Variants in GRB2 observed in about 807,000 individuals in gnomAD.
The protein encoded by GRB2 is growth factor receptor-bound protein 2.
In GRB2, 2 loss-of-function variants were observed where a neutral mutation model predicts 27.4. The observed-to-expected ratio is 0.07, with a 90% CI of 0.03 to 0.23. The LOEUF is 0.23. GRB2 is among the 10% of genes least tolerant of loss of function. The probability of loss-of-function intolerance (pLI) is 1.00; values close to 1 mark genes in which losing one functional copy is unlikely to be tolerated. For missense variants in GRB2, 102 were observed against 282.4 expected (o/e 0.36, Z 4.58); for synonymous variants, 94 against 99.6 (o/e 0.94, Z 0.33).
intron 1 of GRB2, among the ~76,000 whole-genome samples, chr17:75,404,099 C>T (rs2079081925): frequency 6.6e-6 from 1 of 151,110 alleles, no homozygotes. Context: ...GCAAAAAGAG[C>T]AAAACTCTGC....
At chr17:75,342,097 C>G (rs2078625268) in intron 2 of GRB2, among the ~76,000 whole-genome samples, 1 of 152,174 alleles carries the variant, frequency 6.6e-6, no homozygotes, top group Non-Finnish European at 1.5e-5. Flanking sequence ...AAATTCAGTT[C>G]AGAGCTTACA....
chr17:75,329,083 T>C (rs1431237031), intron 3 of GRB2, among the ~76,000 whole-genome samples: 1 of 152,100 alleles, frequency 6.6e-6, no homozygotes, highest in Non-Finnish European at 1.5e-5. Context: ...GTATGCAGCA[T>C]GCATCTGACT....
intron 2 of GRB2, among the ~76,000 whole-genome samples, chr17:75,340,145 T>C (rs2078611246): frequency 6.6e-6 from 1 of 152,136 alleles, no homozygotes. Context: ...CAACACGCGC[T>C]CCAATTCCAA....
chr17:75,393,496 G>A, intron 2 of GRB2, 55 bp downstream of exon 2: 1 of 1,334,602 alleles, frequency 7.5e-7, no homozygotes, highest in Non-Finnish European at 1.1e-6. Context: ...GGCGAAAGAA[G>A]GTGGGTGAGC....
chr17:75,325,121 T>C (rs368093933), intron 4 of GRB2, among the ~76,000 whole-genome samples: 1 of 151,962 alleles, frequency 6.6e-6, no homozygotes, highest in Non-Finnish European at 1.5e-5. Flanking sequence ...CTATCCCCCA[T>C]TCAAAAACAA....
intron 2 of GRB2, among the ~76,000 whole-genome samples, chr17:75,385,328 G>C (rs570406138): frequency 1.2e-3 from 177 of 152,200 alleles, no homozygotes; most frequent in Middle Eastern, 3.4e-3. Context: ...CCTGCGTTCA[G>C]GATTTTGAGA....
intron 1 of GRB2, among the ~76,000 whole-genome samples, chr17:75,400,854 T>C (rs2079058837): frequency 6.6e-6 from 1 of 152,082 alleles, no homozygotes; most frequent in African/African-American, 2.4e-5. Flanking sequence ...TTTATCTCAC[T>C]GAAACAATGA....
At chr17:75,341,869 T>C (rs910276938) in intron 2 of GRB2, among the ~76,000 whole-genome samples, 8 of 152,144 alleles carry the variant, frequency 5.3e-5, no homozygotes, top group Non-Finnish European at 1.2e-4. Flanking sequence ...CCATAATTTT[T>C]CTGTTAAAAA....
intron 4 of GRB2, among the ~76,000 whole-genome samples, chr17:75,324,507 G>GT (rs767194304): frequency 0.035 from 1,270 of 36,640 alleles, 175 homozygotes; most frequent in African/African-American, 0.095. Context: ...ACCGCACCCA[G>GT]TTTTTTTTTT....
intron 2 of GRB2, chr17:75,338,763 G>A (rs1321034721): frequency 1.0e-5 from 6 of 594,962 alleles, no homozygotes; most frequent in Non-Finnish European, 1.5e-5. Context: ...GAGGAATGAG[G>A]TGAGCTTTAC....
In GRB2 at chr17:75,320,660, C is replaced by T. The variant is rs1021251414; in HGVS notation, c.469-107G>A. The T allele has an allele frequency of 2.6e-6, 2 of 775,088 alleles. No homozygotes were observed. Among genetic ancestry groups the T allele is most frequent in the Non-Finnish European group, 4.3e-6 (2 of 462,860 alleles). 48.0% of individuals were successfully genotyped at this position (775,088 alleles called of 1,614,324 possible). A position where few individuals can be genotyped will look rare whatever the true frequency, so the allele number is the denominator to read the frequency against. Reference sequence around the variant, plus strand: ...GGAAACGAATGCGTGCCAAATTCTCCATGTTTCTTAAACTCACCTCCCATC... The same window carrying T: ...GGAAACGAATGCGTGCCAAATTCTCTATGTTTCTTAAACTCACCTCCCATC... On this transcript the variant is annotated intron_variant, in intron 5 of 5. Transcript: ENST00000316804. The surrounding 1 kb of genome is among the most constrained non-coding windows in gnomAD (Gnocchi z 4.3).
At chr17:75,331,828 T>C (rs557893091) in intron 3 of GRB2, among the ~76,000 whole-genome samples, 5 of 152,262 alleles carry the variant, frequency 3.3e-5, no homozygotes, top group African/African-American at 1.2e-4. Context: ...TGAGGACGAC[T>C]GAAGGAAACA....
At chr17:75,377,377 T>C (rs999078321) in intron 2 of GRB2, among the ~76,000 whole-genome samples, 4 of 150,952 alleles carry the variant, frequency 2.6e-5, no homozygotes, top group African/African-American at 9.8e-5. Context: ...TCCCAACACT[T>C]TGGGAGGTCA....
At chr17:75,344,159 C>T (rs998803626) in intron 2 of GRB2, among the ~76,000 whole-genome samples, 1 of 152,094 alleles carries the variant, frequency 6.6e-6, no homozygotes, top group Non-Finnish European at 1.5e-5. Context: ...ATCAGGAAAA[C>T]ATCCTAGATG....
chr17:75,399,214 A>C (rs999795255), intron 1 of GRB2, among the ~76,000 whole-genome samples: 8 of 150,548 alleles, frequency 5.3e-5, no homozygotes, highest in Non-Finnish European at 1.0e-4. Flanking sequence ...TGCCTGGCTA[A>C]TTTTTGTGTG....
At chr17:75,361,772 T>C (rs2078783423) in intron 2 of GRB2, among the ~76,000 whole-genome samples, 1 of 151,954 alleles carries the variant, frequency 6.6e-6, no homozygotes, top group South Asian at 2.1e-4. Context: ...GAGCAAAATA[T>C]ATTACGCTCA....
intron 2 of GRB2, chr17:75,373,239 T>A (rs2078867639): frequency 6.6e-6 from 1 of 152,112 alleles, no homozygotes; most frequent in South Asian, 2.1e-4. Context: ...AGAGAGACTG[T>A]CTCAAAAAAG....
At chr17:75,382,068 T>G (rs1019813536) in intron 2 of GRB2, among the ~76,000 whole-genome samples, 1 of 151,684 alleles carries the variant, frequency 6.6e-6, no homozygotes. Flanking sequence ...ACTAAAAATA[T>G]AAAAATAAGC....
At chr17:75,328,439 G>A (rs1404301446) in intron 3 of GRB2, among the ~76,000 whole-genome samples, 2 of 151,818 alleles carry the variant, frequency 1.3e-5, no homozygotes, top group African/African-American at 4.8e-5. Flanking sequence ...TCAGGAGTTC[G>A]AGACCAGCCT....
Sources: allele counts gnomAD v4.1 joint callset (sites outside exome capture counted in the v4.1 genomes callset), GRCh38; gene constraint gnomAD v4.1.1; non-coding constraint Gnocchi (gnomAD v3.1); transcripts MANE v1.5; gene names NCBI Gene and HGNC (gene_info 2026-07-23, HGNC 2026-07-21).